The following C6orf120 variants were observed in gnomAD, a reference collection of about 807,000 sequenced individuals.
The protein encoded by C6orf120 is chromosome 6 open reading frame 120.
For synonymous variants in C6orf120, 165 were observed against 123.1 expected, an observed-to-expected ratio of 1.34 and a Z score of -2.25; for missense variants, 311 against 264.2, an observed-to-expected ratio of 1.18 and a Z score of -1.23.
chr6:169,703,934 A>T, exon 1 of C6orf120: 1 of 1,265,030 alleles, frequency 7.9e-7, no homozygotes, highest in Non-Finnish European at 1.1e-6. Context: ...ATTGGCATGA[A>T]AATAATGTTG....
In C6orf120 at chr6:169,702,716, A is replaced by AC. The variant is rs1195607352; in HGVS notation, c.261dup (p.Ser88GlnfsTer94). 2 of 1,613,458 alleles carry AC rather than the reference A, an allele frequency of 1.2e-6. No individual in the cohort carries two copies. On this transcript the variant is annotated frameshift_variant, in exon 1 of 1. Coordinates refer to ENST00000332290, the Ensembl canonical transcript of C6orf120. LOFTEE classifies it low-confidence loss of function (END_TRUNC). ...CTGTACGTCTCCGCCAGCAGCCTGC[A>AC]CCCCAGCTTCGACGACTACGAGCTG...
exon 1 of C6orf120, chr6:169,703,008 G>A (rs1356489083): frequency 1.9e-6 from 3 of 1,564,932 alleles, no homozygotes. Context: ...TTAGCATTTT[G>A]AAACTGGTAC....
In C6orf120 at chr6:169,702,939, C is replaced by T. The variant is rs1258422009; in HGVS notation, c.480C>T (p.His160=). ...ACGGCGCAGATGCCGGCCAGAAGCACGCTGGTGCCCCGGAAGACGCCTCGC... is the reference window on the plus strand; with the variant it reads ...ACGGCGCAGATGCCGGCCAGAAGCATGCTGGTGCCCCGGAAGACGCCTCGC... Residue 160 remains histidine (H), a synonymous_variant, in exon 1 of 1, where the codon CAC becomes CAT. Transcript: ENST00000332290. The T allele has an allele frequency of 2.5e-6, 4 of 1,611,882 alleles. No homozygotes were observed. The South Asian group carries it at 4.4e-5, about 18-fold the overall frequency.
downstream of C6orf120, chr6:169,704,965 T>A (rs1259888944): frequency 2.1e-6 from 1 of 473,214 alleles, no homozygotes; most frequent in Non-Finnish European, 3.8e-6. Flanking sequence ...TGGAATTGTC[T>A]AGGGATGAAA....
At chr6:169,702,330 C>A in exon 1 of C6orf120, 1 of 646,722 alleles carries the variant, frequency 1.5e-6, no homozygotes, top group Middle Eastern at 4.1e-4. Flanking sequence ...ACAGTCCCAG[C>A]GACAGACCAG....
At chr6:169,703,957 AATATTCCACTTAAATGC>A in exon 1 of C6orf120, 1 of 1,397,572 alleles carries the variant, frequency 7.2e-7, no homozygotes, top group African/African-American at 1.5e-5. Flanking sequence ...AATGGCACCA[AATATTCCACTTAAATGC>A]ATATACAGTA....
exon 1 of C6orf120, chr6:169,702,875 T>C: frequency 1.2e-6 from 2 of 1,612,050 alleles, no homozygotes; most frequent in East Asian, 4.5e-5. Flanking sequence ...GACGGCACGG[T>C]CGAGCAGCAC....
chr6:169,702,732 C>T (rs1562977466), exon 1 of C6orf120: 8 of 1,613,548 alleles, frequency 5.0e-6, no homozygotes, highest in East Asian at 2.2e-5. Context: ...GCTTCGACGA[C>T]TACGAGCTGC....
At chr6:169,705,030 G>A (rs1467084225), downstream of C6orf120, 1 of 793,932 alleles carries the variant, frequency 1.3e-6, no homozygotes, top group Non-Finnish European at 2.0e-6. Context: ...GCACATAAGA[G>A]TCCACAAGCT....
exon 1 of C6orf120, chr6:169,703,193 C>T: frequency 1.4e-6 from 1 of 708,606 alleles, no homozygotes; most frequent in Non-Finnish European, 2.4e-6. Context: ...TCAGTTACCC[C>T]AAAAATAGGA....
At chr6:169,705,815 CT>C (rs925713771), downstream of C6orf120, 8 of 736,574 alleles carry the variant, frequency 1.1e-5, no homozygotes, top group Non-Finnish European at 2.0e-5. Context: ...CCTATTTTTA[CT>C]TTTGGTAACT....
At chr6:169,704,184 A>C (rs1278211398) in exon 1 of C6orf120, 3 of 840,372 alleles carry the variant, frequency 3.6e-6, no homozygotes, top group Admixed American at 7.1e-5. Flanking sequence ...ATCACTAATG[A>C]TATTCCTCTC....
chr6:169,702,492 G>C (rs772276381), exon 1 of C6orf120: 2 of 1,584,682 alleles, frequency 1.3e-6, no homozygotes, highest in Non-Finnish European at 1.7e-6. Flanking sequence ...CCGCGCCCTG[G>C]ACGACGGCCC....
exon 1 of C6orf120, chr6:169,702,683 A>T: frequency 1.2e-6 from 2 of 1,613,500 alleles, no homozygotes; most frequent in South Asian, 2.2e-5. Context: ...CTCAAGGGAG[A>T]TGCGGATCTG....
exon 1 of C6orf120, chr6:169,702,809 G>A (rs201427999): frequency 3.1e-6 from 5 of 1,612,884 alleles, no homozygotes; most frequent in Non-Finnish European, 4.2e-6. Context: ...GTGGGCATCG[G>A]CGTCTATGGA....
At chr6:169,702,951 G>A (rs1023594727) in exon 1 of C6orf120, 1 of 1,610,196 alleles carries the variant, frequency 6.2e-7, no homozygotes. Flanking sequence ...CTGGTGCCCC[G>A]GAAGACGCCT....
chr6:169,703,231 T>C (rs908418621), exon 1 of C6orf120: 7 of 627,332 alleles, frequency 1.1e-5, no homozygotes, highest in African/African-American at 5.5e-5. Flanking sequence ...ATTTTAAAGA[T>C]CATAATTCCT....
chr6:169,702,171 A>G (rs4716383), upstream of C6orf120: 272,423 of 642,004 alleles, frequency 0.42, 71,367 homozygotes, highest in East Asian at 0.94. Context: ...GGATGTATAA[A>G]GCGCGGCCCC....
chr6:169,703,976 T>TA lies in C6orf120; in HGVS notation c.*942dup, dbSNP rs750404804. On this transcript the variant is annotated 3_prime_UTR_variant, in exon 1 of 1. Coordinates refer to ENST00000332290, the Ensembl canonical transcript of C6orf120. ...GCACCAAATATTCCACTTAAATGCA[T>TA]ATACAGTATTAGAGTCAAAAACTAT... 2.0e-6 allele frequency: 3 copies of TA among 1,489,674 alleles called. No homozygotes were observed. In the South Asian group the frequency reaches 3.8e-5, roughly 19 times the overall value. 92.3% of individuals were successfully genotyped at this position (1,489,674 alleles called of 1,614,324 possible). A position where few individuals can be genotyped will look rare whatever the true frequency, so the allele number is the denominator to read the frequency against.
Sources: gnomAD v4.1 joint callset for allele counts on GRCh38, gnomAD v4.1.1 for gene constraint, MANE v1.5 for transcripts, NCBI Gene and HGNC (gene_info 2026-07-23, HGNC 2026-07-21) for gene names.